The following MGRN1 variants were observed in gnomAD, a reference collection of about 807,000 sequenced individuals.
MGRN1 encodes mahogunin ring finger 1.
A neutral mutation model predicts 69.2 loss-of-function variants in MGRN1; 29 were observed. The observed-to-expected ratio is 0.42, with a 90% CI of 0.31 to 0.57. The LOEUF (loss-of-function observed/expected upper bound fraction) is 0.57, where lower values mean the gene tolerates loss of function less well. Ranked by LOEUF, MGRN1 falls within the 20% of genes least tolerant of loss-of-function variation. MGRN1 has a pLI of 0.15. For synonymous variants in MGRN1, 470 were observed against 344.2 expected (o/e 1.37, Z -4.04); for missense variants, 998 against 796.2 (o/e 1.25, Z -3.05).
intron 10 of MGRN1, among the ~76,000 whole-genome samples, chr16:4,676,090 G>A (rs1056099762): frequency 2.0e-5 from 3 of 152,242 alleles, no homozygotes; most frequent in Non-Finnish European, 2.9e-5. Context: ...GGGGCTGTGC[G>A]AGGATGCTGG....
At chr16:4,687,270 G>A in intron 16 of MGRN1, 1 of 985,396 alleles carries the variant, frequency 1.0e-6, no homozygotes, top group Non-Finnish European at 1.2e-6. Flanking sequence ...AGGCGGCTCT[G>A]TCCAGGCAGT....
At chr16:4,649,124 G>T (rs1364972205) in intron 1 of MGRN1, 2 of 152,560 alleles carry the variant, frequency 1.3e-5, no homozygotes, top group Admixed American at 1.3e-4. Context: ...GTGTGCCAGG[G>T]TCCTGATGGG....
intron 1 of MGRN1, among the ~76,000 whole-genome samples, chr16:4,632,919 C>T (rs1386170694): frequency 6.6e-6 from 1 of 151,890 alleles, no homozygotes; most frequent in Non-Finnish European, 1.5e-5. Flanking sequence ...CTTGTCTCTA[C>T]AAAAAATAAA....
chr16:4,653,979 C>T (rs2078468539), intron 4 of MGRN1, among the ~76,000 whole-genome samples: 1 of 152,086 alleles, frequency 6.6e-6, no homozygotes, highest in Non-Finnish European at 1.5e-5. Flanking sequence ...CTCAATCGCT[C>T]GACCTCAGGT....
chr16:4,652,508 C>G (rs890910920), intron 3 of MGRN1, among the ~76,000 whole-genome samples, 170 bp from the exon 4 acceptor site: 5 of 152,186 alleles, frequency 3.3e-5, no homozygotes, highest in African/African-American at 9.7e-5. Flanking sequence ...GAGGCAAGCC[C>G]TGGACCACTG....
In MGRN1 at chr16:4,657,261, C is replaced by G; in HGVS notation, c.459C>G (p.Ser153Arg). 1 of 1,613,960 alleles carries G rather than the reference C, an allele frequency of 6.2e-7. No individual in the cohort carries two copies. The highest frequency in any genetic ancestry group is 8.5e-7 in the Non-Finnish European group (1 of 1,179,846). ...LNGRAVYSPK[S>R]PSLQSETVHY... ...CTCCCTGCAGATACAGCCCCAAGAG[C>G]CCCTCGCTACAGTCCGAGACCGTCC... The change falls in exon 5 of 17, where the codon AGC (serine) becomes AGG (arginine). Residue 153 changes from serine to arginine, a missense_variant. By Grantham distance (110) the Ser-to-Arg change is moderately radical. Coordinates refer to ENST00000262370, the MANE Select transcript of MGRN1 (RefSeq NM_015246.4).
Position 4,677,482 on chromosome 16 carries a change from G to T in MGRN1, c.975G>T (p.Gln325His). ...CCGCAGCTTTCCGGGCCCTCCTGCA[G>T]ATCCGGGCGGTGCGGAAGAAGCCAG... ...ICRLPFRALL[Q>H]IRAVRKKPGA... The change falls in exon 11 of 17, where the codon CAG becomes CAT. Residue 325 changes from glutamine (Q) to histidine (H), a missense_variant. Coordinates refer to ENST00000262370, the MANE Select transcript of MGRN1 (RefSeq NM_015246.4). The T allele has an allele frequency of 6.3e-7, 1 of 1,581,596 alleles. No individual in the cohort carries two copies. The highest frequency in any genetic ancestry group is 8.6e-7 in the Non-Finnish European group (1 of 1,169,276).
intron 15 of MGRN1, 25 bp from the exon 16 acceptor site, chr16:4,683,818 C>T (rs774616589): frequency 2.5e-6 from 4 of 1,608,238 alleles, no homozygotes; most frequent in Admixed American, 1.7e-5. Context: ...GCCTGTAGGT[C>T]CCTAACCTCA....
intron 8 of MGRN1, among the ~76,000 whole-genome samples, chr16:4,669,944 C>T (rs909787507): frequency 6.0e-5 from 9 of 149,856 alleles, no homozygotes; most frequent in African/African-American, 2.2e-4. Flanking sequence ...TGTCCTAGGC[C>T]ACAGCTAACA....
intron 7 of MGRN1, among the ~76,000 whole-genome samples, chr16:4,665,930 T>C (rs1356041135): frequency 6.6e-6 from 1 of 151,358 alleles, no homozygotes; most frequent in African/African-American, 2.4e-5. Flanking sequence ...CCCGGGTTCA[T>C]GCCATTCTCC....
At chr16:4,682,000 C>G (rs551142427) in intron 13 of MGRN1, among the ~76,000 whole-genome samples, 2 of 151,302 alleles carry the variant, frequency 1.3e-5, no homozygotes, top group Non-Finnish European at 3.0e-5. Flanking sequence ...GGCTTTGATC[C>G]CCCGACCAGG....
At chr16:4,639,101 A>C (rs1379468909) in intron 1 of MGRN1, among the ~76,000 whole-genome samples, 1 of 152,164 alleles carries the variant, frequency 6.6e-6, no homozygotes, top group Non-Finnish European at 1.5e-5. Flanking sequence ...CAGTAACAAC[A>C]GCATCTGCTT....
chr16:4,684,546 C>T lies in MGRN1; in HGVS notation c.1618+614C>T, dbSNP rs116431700. 3.4e-3 allele frequency among the ~76,000 whole-genome samples: 524 copies of T among 152,366 alleles called. 2 individuals are homozygous for T. The highest frequency in any genetic ancestry group is 0.012 in the African/African-American group (495 of 41,584). On this transcript the variant is annotated intron_variant, in intron 16 of 16. Coordinates refer to ENST00000262370, the MANE Select transcript of MGRN1 (RefSeq NM_015246.4). ...ATCCCAGGCCAGGCACAGAGGACGG[C>T]GGGGGCGCCAGGCGCCAGCGGGGAA...
At chr16:4,638,182 A>C (rs1021708432) in intron 1 of MGRN1, among the ~76,000 whole-genome samples, 1 of 152,032 alleles carries the variant, frequency 6.6e-6, no homozygotes, top group African/African-American at 2.4e-5. Flanking sequence ...CAGTTAAAGA[A>C]ATCAAGGTTG....
At position 4,681,840 on chromosome 16, in the gene MGRN1, CTT is replaced by C. The variant is rs2079189216; in HGVS notation, c.1358+66_1358+67del. The C allele has an allele frequency of 4.7e-6, 7 of 1,477,670 alleles. No individual in the cohort carries two copies. The South Asian group carries it at 5.0e-5, about 11-fold the overall frequency. 91.5% of individuals were successfully genotyped at this position (1,477,670 alleles called of 1,614,324 possible). On this transcript the variant is annotated intron_variant, in intron 13 of 16. Transcript: ENST00000262370. ...GGTGGCGCGCGTGCGGAGCGGGTGT[CTT>C]TGTGGTTTCAAATCAGTTTGTGATG...
At chr16:4,651,535 G>A (rs1223850210) in intron 2 of MGRN1, among the ~76,000 whole-genome samples, 1 of 152,192 alleles carries the variant, frequency 6.6e-6, no homozygotes, top group East Asian at 1.9e-4. Context: ...GGCCTCAGGG[G>A]ACAGGAGGCC....
At chr16:4,679,500 A>G (rs2141969987) in intron 11 of MGRN1, among the ~76,000 whole-genome samples, 1 of 151,072 alleles carries the variant, frequency 6.6e-6, no homozygotes, top group Middle Eastern at 3.4e-3. Context: ...TAGTGACAGA[A>G]AGAGCCACCG....
chr16:4,668,377 G>A (rs914122303), intron 8 of MGRN1, 65 bp downstream of exon 8: 35 of 1,528,928 alleles, frequency 2.3e-5, no homozygotes, highest in Non-Finnish European at 2.7e-5. Context: ...TCACTCACAC[G>A]CATACTCATA....
chr16:4,649,946 C>T (rs1567190135), intron 1 of MGRN1: 1 of 163,264 alleles, frequency 6.1e-6, no homozygotes, highest in African/African-American at 2.4e-5. Context: ...TGGAGCCTTT[C>T]TCAGGGCCGA....
Sources: allele counts gnomAD v4.1 joint callset (sites outside exome capture counted in the v4.1 genomes callset), GRCh38; gene constraint gnomAD v4.1.1; transcripts MANE v1.5; gene names NCBI Gene and HGNC (gene_info 2026-07-23, HGNC 2026-07-21).